Variants in KCNIP4 observed in about 807,000 individuals in gnomAD.
KCNIP4 encodes potassium voltage-gated channel interacting protein 4.
In KCNIP4, 12 loss-of-function variants were observed where a neutral mutation model predicts 34.0. That is an observed-to-expected ratio of 0.35 (90% CI 0.23 to 0.57). The LOEUF is 0.57. Among genes scored for constraint, KCNIP4 ranks in the 20% least tolerant of loss-of-function variants. The probability of loss-of-function intolerance (pLI) is 0.83; values close to 1 mark genes in which losing one functional copy is unlikely to be tolerated. For missense variants in KCNIP4, 238 were observed against 311.7 expected (o/e 0.76, Z 1.78); for synonymous variants, 124 against 102.2 (o/e 1.21, Z -1.29).
chr4:21,118,663 G>T (rs1166413162), intron 1 of KCNIP4, among the ~76,000 whole-genome samples: 1 of 152,090 alleles, frequency 6.6e-6, no homozygotes, highest in East Asian at 1.9e-4. Context: ...AGTGGGTGGT[G>T]GGGGGTGGTG....
chr4:21,140,445 T>C (rs1373102716), intron 1 of KCNIP4, among the ~76,000 whole-genome samples: 1 of 152,164 alleles, frequency 6.6e-6, no homozygotes, highest in Non-Finnish European at 1.5e-5. Flanking sequence ...GAGTACTTAA[T>C]TAACTAATTA....
At chr4:21,485,576 C>T (rs1260801444) in intron 1 of KCNIP4, among the ~76,000 whole-genome samples, 1 of 152,168 alleles carries the variant, frequency 6.6e-6, no homozygotes, top group East Asian at 1.9e-4. Context: ...ATACCCTTTT[C>T]ACTTTTGTAG....
chr4:21,280,330 G>A (rs1420536455), intron 1 of KCNIP4, among the ~76,000 whole-genome samples: 1 of 152,156 alleles, frequency 6.6e-6, no homozygotes, highest in East Asian at 1.9e-4. Flanking sequence ...AGTTTGGGAG[G>A]TGGAGAGGTG....
intron 1 of KCNIP4, among the ~76,000 whole-genome samples, chr4:20,942,863 G>T (rs1731784262): frequency 6.6e-6 from 1 of 151,936 alleles, no homozygotes; most frequent in African/African-American, 2.4e-5. Flanking sequence ...GTAGAGACGG[G>T]GTTTCACCAT....
intron 1 of KCNIP4, among the ~76,000 whole-genome samples, chr4:21,191,903 A>C (rs767400995): frequency 1.2e-4 from 18 of 152,202 alleles, no homozygotes; most frequent in Non-Finnish European, 2.5e-4. Context: ...TATTTTGATT[A>C]TTTTTCTTAC....
At chr4:21,354,552 G>A (rs565380033) in intron 1 of KCNIP4, among the ~76,000 whole-genome samples, 11 of 152,102 alleles carry the variant, frequency 7.2e-5, no homozygotes, top group Non-Finnish European at 1.6e-4. Context: ...AGACAAAGAA[G>A]GCCATTAAAT....
chr4:21,239,468 C>T (rs9991395), intron 1 of KCNIP4, among the ~76,000 whole-genome samples: 25,660 of 149,780 alleles, frequency 0.17, 3,972 homozygotes, highest in African/African-American at 0.43. Context: ...ATTTTTGCAA[C>T]TTACTCATCT....
chr4:21,423,495 A>G (rs1725666795), intron 1 of KCNIP4, among the ~76,000 whole-genome samples: 1 of 152,220 alleles, frequency 6.6e-6, no homozygotes, highest in Non-Finnish European at 1.5e-5. Flanking sequence ...TGCCTTCTAT[A>G]CATTTGTTGA....
At chr4:21,853,979 C>G (rs929130099) in intron 1 of KCNIP4, among the ~76,000 whole-genome samples, 1 of 152,062 alleles carries the variant, frequency 6.6e-6, no homozygotes, top group African/African-American at 2.4e-5. Flanking sequence ...ACCATATGAC[C>G]CGGGAATGGT....
At chr4:20,990,143 G>A (rs1314255647) in intron 1 of KCNIP4, among the ~76,000 whole-genome samples, 1 of 152,134 alleles carries the variant, frequency 6.6e-6, no homozygotes, top group East Asian at 1.9e-4. Context: ...TCTTCACACT[G>A]TAAGATTTTC....
At chr4:21,542,988 T>C (rs1737832789) in intron 1 of KCNIP4, among the ~76,000 whole-genome samples, 2 of 151,952 alleles carry the variant, frequency 1.3e-5, no homozygotes, top group African/African-American at 4.8e-5. Flanking sequence ...TGATTTTAAA[T>C]TAATGTACAA....
chr4:21,704,479 CTA>C (rs1713114533), intron 1 of KCNIP4, among the ~76,000 whole-genome samples: 1 of 152,042 alleles, frequency 6.6e-6, no homozygotes, highest in Non-Finnish European at 1.5e-5. Flanking sequence ...GGATTTGTAT[CTA>C]GAGTATATAA....
chr4:21,411,673 ACAACAAC>A (rs1724520998), intron 1 of KCNIP4, among the ~76,000 whole-genome samples: 3 of 151,966 alleles, frequency 2.0e-5, no homozygotes, highest in Non-Finnish European at 2.9e-5. Context: ...AAACAAACAA[ACAACAAC>A]AAATACTTAG....
At chr4:21,294,138 A>G (rs1478485875) in intron 1 of KCNIP4, among the ~76,000 whole-genome samples, 3 of 152,208 alleles carry the variant, frequency 2.0e-5, no homozygotes, top group African/African-American at 7.2e-5. Context: ...CATATGCTCA[A>G]CAAAGTGCTC....
At position 21,334,363 on chromosome 4, in the gene KCNIP4, T is replaced by C. The variant is rs1715949832; in HGVS notation, c.62-451654A>G. Among the ~76,000 whole-genome samples the C allele has an allele frequency of 2.7e-5, 4 of 150,908 alleles. 1 individual carries two copies. The highest frequency in any genetic ancestry group is 2.0e-4 in the Admixed American group (3 of 15,212). On this transcript the variant is annotated intron_variant, in intron 1 of 8. Transcript: ENST00000382152. ...ACTTTGGCTTCAGAATGATGTGTTC[T>C]GAGGGGCATAAGTTTATGATACTCT...
intron 1 of KCNIP4, among the ~76,000 whole-genome samples, chr4:21,467,046 AAAACC>A (rs1241580107): frequency 3.1e-4 from 46 of 148,698 alleles, no homozygotes; most frequent in African/African-American, 8.2e-4. Context: ...GTGACAAACC[AAAACC>A]AAACCAAACC....
chr4:21,898,193 G>T (rs1727505181), intron 1 of KCNIP4, among the ~76,000 whole-genome samples: 1 of 152,122 alleles, frequency 6.6e-6, no homozygotes, highest in African/African-American at 2.4e-5. Context: ...CAACTTGAAA[G>T]GCGGTATAGG....
At chr4:20,760,511 T>C (rs1754870154) in intron 3 of KCNIP4, among the ~76,000 whole-genome samples, 1 of 152,192 alleles carries the variant, frequency 6.6e-6, no homozygotes, top group Non-Finnish European at 1.5e-5. Flanking sequence ...TATTTTCTCA[T>C]TTGTTGTTTT....
intron 1 of KCNIP4, among the ~76,000 whole-genome samples, chr4:21,020,883 T>C (rs566469371): frequency 1.3e-5 from 2 of 152,260 alleles, no homozygotes; most frequent in Admixed American, 6.5e-5. Context: ...TTCCTGAGAC[T>C]AGACAATTTG....
Sources: gnomAD v4.1 joint callset for allele counts (sites outside exome capture counted in the v4.1 genomes callset) on GRCh38, gnomAD v4.1.1 for gene constraint, MANE v1.5 for transcripts, NCBI Gene and HGNC (gene_info 2026-07-23, HGNC 2026-07-21) for gene names.